The following CSF1R variants were observed in gnomAD, a reference collection of about 807,000 sequenced individuals.
CSF1R encodes colony stimulating factor 1 receptor.
Under a neutral mutation model 110.0 loss-of-function variants are expected in CSF1R, and 40 were observed. The ratio of observed to expected loss-of-function variants is 0.36; its 90% CI spans 0.28 to 0.47. The LOEUF (loss-of-function observed/expected upper bound fraction) is 0.47. CSF1R is among the 20% of genes least tolerant of loss of function. The probability of loss-of-function intolerance (pLI) is 0.99; values close to 1 mark genes in which losing one functional copy is unlikely to be tolerated. For synonymous variants in CSF1R, 523 were observed against 503.4 expected, an observed-to-expected ratio of 1.04 and a Z score of -0.52; for missense variants, 1,052 against 1,253.0, an observed-to-expected ratio of 0.84 and a Z score of 2.42.
chr5:150,069,948 G>T lies in CSF1R; in HGVS notation c.1435C>A (p.His479Asn), dbSNP rs1364571017. ...QSLLTVETLE[H>N]NQTYECRAHN... ...GCCCTGCACTCGTAGGTTTGGTTGT[G>T]CTCTAAGGTCTCAACAGTCAGCAGG... The change falls in exon 9 of 21, where the codon CAC becomes AAC. Residue 479 changes from histidine (H) to asparagine (N), a missense_variant. His to Asn is a moderately conservative substitution (Grantham distance 68). Transcript: ENST00000675795. 5 of 1,613,948 alleles carry T rather than the reference G, an allele frequency of 3.1e-6. No homozygotes were observed. In the African/African-American group the frequency reaches 6.7e-5, roughly 22 times the overall value.
chr5:150,079,164 G>A (rs973385344), intron 3 of CSF1R, among the ~76,000 whole-genome samples: 19 of 152,230 alleles, frequency 1.2e-4, no homozygotes, highest in African/African-American at 3.4e-4. Context: ...TAGGGCCCAG[G>A]ACCTTTGGCT....
Position 150,053,859 on chromosome 5 carries a change from C to T in CSF1R, c.*210G>A. 1 of 607,262 alleles carries T rather than the reference C, an allele frequency of 1.6e-6. No homozygotes were observed. The highest frequency in any genetic ancestry group is 2.9e-6 in the Non-Finnish European group (1 of 342,554). 37.6% of individuals were successfully genotyped at this position (607,262 alleles called of 1,614,324 possible). On this transcript the variant is annotated 3_prime_UTR_variant, in exon 21 of 21. Coordinates refer to ENST00000675795, the MANE Select transcript of CSF1R (RefSeq NM_001288705.3). Reference sequence around the variant, plus strand: ...GAGGGGGGGGTGAGGGCTCAGCCCCCAGCCCCTGACTGGCAGTGATGGCCC... The same window carrying T: ...GAGGGGGGGGTGAGGGCTCAGCCCCTAGCCCCTGACTGGCAGTGATGGCCC...
At position 150,093,193 on chromosome 5, in the gene CSF1R, A is replaced by C. The variant is rs7702951; in HGVS notation, c.-180-6586T>G. On this transcript the variant is annotated intron_variant, in intron 1 of 21. Coordinates refer to the CSF1R transcript ENST00000286301. Reference sequence around the variant, plus strand: ...TCCCAGGTTCAAGCGATTCTCACGCATCAGCCTCCCAAGTAGCTGGGATTA... The same window carrying C: ...TCCCAGGTTCAAGCGATTCTCACGCCTCAGCCTCCCAAGTAGCTGGGATTA... 3.3e-5 allele frequency among the ~76,000 whole-genome samples: 5 copies of C among 152,024 alleles called. No homozygotes were observed. The South Asian group carries it at 1.0e-3, about 32-fold the overall frequency.
chr5:150,059,627 AG>A (rs1445698128), intron 14 of CSF1R, 72 bp downstream of exon 14: 2 of 1,566,622 alleles, frequency 1.3e-6, no homozygotes, highest in African/African-American at 2.7e-5. Flanking sequence ...TCCAACCCTG[AG>A]CTGGCTTTGA....
At position 150,070,260 on chromosome 5, in the gene CSF1R, G is replaced by C. The variant is rs149753251; in HGVS notation, c.1241C>G (p.Ser414Cys). The C allele has an allele frequency of 3.1e-6, 5 of 1,614,162 alleles. No homozygotes were observed. The highest frequency in any genetic ancestry group is 4.2e-6 in the Non-Finnish European group (5 of 1,180,018). The change falls in exon 8 of 21, where the codon TCT becomes TGT. Residue 414 changes from serine to cysteine, a missense_variant. Coordinates refer to ENST00000675795, the MANE Select transcript of CSF1R (RefSeq NM_001288705.3). ...VSVIWTFING[S>C]GTLLCAASGY... ...AGAGGCAGCACACAAAAGGGTGCCA[G>C]AGCCGTTGATGAATGTCCATATGAC...
chr5:150,061,113 AAGG>A (rs1459646389), intron 12 of CSF1R, 141 bp from the exon 13 acceptor site: 10 of 600,288 alleles, frequency 1.7e-5, no homozygotes, highest in Middle Eastern at 3.0e-4. Context: ...AAGCCAAAAG[AAGG>A]AGAAGGAAAA....
chr5:150,063,663 G>A (rs1439998395), intron 10 of CSF1R, among the ~76,000 whole-genome samples: 2 of 152,098 alleles, frequency 1.3e-5, no homozygotes, highest in African/African-American at 4.8e-5. Context: ...ATGTGGGGAG[G>A]AGGAATGGCT....
At chr5:150,076,766 C>T (rs1271136356) in intron 5 of CSF1R, 2 of 222,594 alleles carry the variant, frequency 9.0e-6, no homozygotes, top group South Asian at 7.4e-5. Context: ...ATATGTTCCT[C>T]CCTCTGCCAG....
At position 150,060,464 on chromosome 5, in the gene CSF1R, T is replaced by TG. The variant is rs1340618988; in HGVS notation, c.1969+397dup. 2.0e-5 allele frequency among the ~76,000 whole-genome samples: 3 copies of TG among 152,096 alleles called. No individual in the cohort carries two copies. In the East Asian group the frequency reaches 5.8e-4, roughly 29 times the overall value. On this transcript the variant is annotated intron_variant, in intron 13 of 20. Coordinates refer to ENST00000675795, the MANE Select transcript of CSF1R (RefSeq NM_001288705.3). ...ATCAGTGAAGAGGATGTGGGGCACT[T>TG]GGAGTCCCAGCAAAGCCCGGGGCAC...
chr5:150,078,113 TTGG>T lies in CSF1R; in HGVS notation c.725_727del (p.Thr242del). 6.2e-7 allele frequency: 1 copy of T among 1,614,112 alleles called. No individual in the cohort carries two copies. The highest frequency in any genetic ancestry group is 8.5e-7 in the Non-Finnish European group (1 of 1,179,960). ...ACCTTGTGATCTGCAGGGACTGACCTTGGTGTTGTTGTGTTGGAGGAAGACATC... is the reference window on the plus strand; with the variant it reads ...ACCTTGTGATCTGCAGGGACTGACCTTGTTGTTGTGTTGGAGGAAGACATC... On this transcript the variant is annotated inframe_deletion and splice_region_variant, in exon 4 of 21. Transcript: ENST00000675795.
chr5:150,109,062 C>CA (rs1759637453), intron 1 of CSF1R, among the ~76,000 whole-genome samples: 4 of 121,206 alleles, frequency 3.3e-5, no homozygotes, highest in Non-Finnish European at 5.8e-5. Flanking sequence ...AAGCCCGCCC[C>CA]CCCCCCACCA....
At chr5:150,110,295 G>A (rs1759678709) in intron 1 of CSF1R, among the ~76,000 whole-genome samples, 1 of 152,166 alleles carries the variant, frequency 6.6e-6, no homozygotes, top group Non-Finnish European at 1.5e-5. Context: ...CCTGTGTCAG[G>A]AATAAGAACC....
chr5:150,078,692 A>G (rs1758392026), intron 3 of CSF1R, among the ~76,000 whole-genome samples: 2 of 152,194 alleles, frequency 1.3e-5, no homozygotes, highest in South Asian at 2.1e-4. Context: ...GACCGCCCTG[A>G]TAACCCCACC....
At chr5:150,065,558 G>A (rs1277596229) in intron 10 of CSF1R, among the ~76,000 whole-genome samples, 2 of 152,348 alleles carry the variant, frequency 1.3e-5, no homozygotes, top group African/African-American at 4.8e-5. Context: ...GGGCAATGAG[G>A]AGAGGCTGGG....
At chr5:150,081,936 GAGCT>G (rs1363440428) in intron 1 of CSF1R, among the ~76,000 whole-genome samples, 1 of 152,244 alleles carries the variant, frequency 6.6e-6, no homozygotes, top group Non-Finnish European at 1.5e-5. Context: ...AGGGAAGTGA[GAGCT>G]GATTCAAGCC....
At chr5:150,076,321 CCTATCTATCTATCTATCTATCTAT>C (rs59302630) in intron 5 of CSF1R, among the ~76,000 whole-genome samples, 2,667 of 148,110 alleles carry the variant, frequency 0.018, 78 homozygotes, top group African/African-American at 0.06. Flanking sequence ...CTAAGTACTT[CCTATCTATCTATCTATCTATCTAT>C]CTATCTATCT....
chr5:150,093,355 A>C (rs13154497), intron 1 of CSF1R, among the ~76,000 whole-genome samples: 43,263 of 152,056 alleles, frequency 0.28, 6,264 homozygotes, highest in East Asian at 0.44. Flanking sequence ...CTGGGATTAC[A>C]GGTGTGAGCC....
rs1334523482 is a variant in CSF1R, at chr5:150,056,298, T to C, written c.2363A>G (p.Asn788Ser). Residue 788 changes from asparagine (N) to serine (S), a missense_variant, in exon 17 of 21, where the codon AAT becomes AGT. Coordinates refer to ENST00000675795, the MANE Select transcript of CSF1R (RefSeq NM_001288705.3). ...DVAARNVLLT[N>S]GHVAKIGDFG... The stretch of plus-strand genomic sequence containing the variant: ...GTCCCCAATCTTGGCCACATGACCA[T>C]TGGTCAACAGCACGTTACGCGCTGC... 5.6e-6 allele frequency: 9 copies of C among 1,613,974 alleles called. No individual in the cohort carries two copies. In the Admixed American group the frequency reaches 1.2e-4, roughly 21 times the overall value.
Position 150,058,253 on chromosome 5 carries a change from AAC to A in CSF1R, c.2133-663_2133-662del, listed in dbSNP as rs753774204. The A allele has an allele frequency of 6.2e-4, 281 of 456,306 alleles. 4 individuals carry two copies. Among genetic ancestry groups the A allele is most frequent in the South Asian group, 3.1e-3 (203 of 64,572 alleles). The allele number at this position is 456,306 out of a possible 1,614,324, so 28.3% of individuals were successfully genotyped here. A position where few individuals can be genotyped will look rare whatever the true frequency, so the allele number is the denominator to read the frequency against. ...GATGGGCCTGAGGTGGTGCACTTCC[AAC>A]AGTCCTCAAGAGATGCCTATGAGAG... On this transcript the variant is annotated intron_variant, in intron 14 of 20. Transcript: ENST00000675795.
Sources: gnomAD v4.1 joint callset for allele counts (sites outside exome capture counted in the v4.1 genomes callset) on GRCh38, gnomAD v4.1.1 for gene constraint, MANE v1.5 for transcripts, NCBI Gene and HGNC (gene_info 2026-07-23, HGNC 2026-07-21) for gene names.